The following STOX2 variants were observed in gnomAD, a reference collection of about 807,000 sequenced individuals.
STOX2 encodes storkhead box 2, also known as storkhead-box protein 2.
Under a neutral mutation model 60.9 loss-of-function variants are expected in STOX2, and 28 were observed. The observed-to-expected ratio is 0.46, with a 90% CI of 0.34 to 0.63. The LOEUF is 0.63. Among genes scored for constraint, STOX2 ranks in the 30% least tolerant of loss-of-function variants. STOX2 has a pLI of 0.01. For missense variants in STOX2, 1,024 were observed against 1,187.7 expected (o/e 0.86, Z 2.03); for synonymous variants, 472 against 463.9 (o/e 1.02, Z -0.22).
chr4:183,804,807 GAA>G (rs1554017755), intron 1 of STOX2, among the ~76,000 whole-genome samples: 27,353 of 152,068 alleles, frequency 0.18, 2,537 homozygotes, highest in African/African-American at 0.24. Flanking sequence ...CATTTAGAAT[GAA>G]CTTCTGAGAT....
At chr4:183,943,547 T>A (rs1023772412) in intron 1 of STOX2, among the ~76,000 whole-genome samples, 1 of 152,180 alleles carries the variant, frequency 6.6e-6, no homozygotes, top group Non-Finnish European at 1.5e-5. Flanking sequence ...AAATAAAATA[T>A]AGAGAAATAA....
intron 1 of STOX2, among the ~76,000 whole-genome samples, chr4:183,940,593 G>A (rs1742728731): frequency 6.6e-6 from 1 of 151,994 alleles, no homozygotes; most frequent in Non-Finnish European, 1.5e-5. Context: ...TGTCATCAAA[G>A]GGAACACAGC....
intron 1 of STOX2, among the ~76,000 whole-genome samples, chr4:183,970,300 T>C (rs1278125899): frequency 1.3e-5 from 2 of 152,110 alleles, no homozygotes; most frequent in African/African-American, 4.8e-5. Flanking sequence ...TTGACATCTG[T>C]GGTAGCCTTC....
Position 183,947,799 on chromosome 4 carries a change from A to G in STOX2, c.166+40843A>G, listed in dbSNP as rs999088611. On this transcript the variant is annotated intron_variant, in intron 1 of 3. Coordinates refer to ENST00000308497, the MANE Select transcript of STOX2 (RefSeq NM_020225.3). ...GGAACGGTGCCTCCTCTGTGTCTCA[A>G]TACAATTTTGTACATACTAATATTA... 2.6e-5 allele frequency among the ~76,000 whole-genome samples: 4 copies of G among 152,134 alleles called. No homozygotes were observed. The East Asian group carries it at 7.7e-4, about 29-fold the overall frequency.
intron 1 of STOX2, among the ~76,000 whole-genome samples, chr4:183,879,604 G>A (rs764432097): frequency 2.0e-5 from 3 of 152,168 alleles, no homozygotes; most frequent in African/African-American, 7.2e-5. Flanking sequence ...GATGCCTCGC[G>A]TTGGTGTGGC....
At chr4:183,837,427 A>G (rs991607926) in intron 1 of STOX2, among the ~76,000 whole-genome samples, 2 of 150,656 alleles carry the variant, frequency 1.3e-5, no homozygotes, top group Admixed American at 1.3e-4. Context: ...TATCTGGCTT[A>G]TCTCACTCAG....
intron 1 of STOX2, among the ~76,000 whole-genome samples, chr4:183,802,908 A>T (rs1738801113): frequency 6.6e-6 from 1 of 152,198 alleles, no homozygotes; most frequent in Admixed American, 6.5e-5. Flanking sequence ...GGCGTGAGCC[A>T]CCGCACCCGG....
intron 1 of STOX2, among the ~76,000 whole-genome samples, chr4:183,852,440 G>A (rs1227139961): frequency 3.1e-4 from 11 of 35,198 alleles, no homozygotes; most frequent in South Asian, 1.7e-3. Flanking sequence ...AAAGGATGAG[G>A]GAAAGGTTGA....
chr4:183,814,233 T>C (rs976212324), intron 1 of STOX2, among the ~76,000 whole-genome samples: 4 of 152,124 alleles, frequency 2.6e-5, no homozygotes, highest in Admixed American at 1.3e-4. Flanking sequence ...TGAAGCAACA[T>C]AGAAAAGTGC....
intron 1 of STOX2, among the ~76,000 whole-genome samples, chr4:183,958,472 T>C (rs10001133): frequency 0.39 from 59,098 of 152,046 alleles, 12,761 homozygotes; most frequent in African/African-American, 0.58. Context: ...TATATATTTA[T>C]ACTTTCTTCA....
chr4:183,924,941 G>A (rs1254644105), intron 1 of STOX2, among the ~76,000 whole-genome samples: 9 of 152,164 alleles, frequency 5.9e-5, no homozygotes, highest in Non-Finnish European at 1.2e-4. Context: ...GCCGGATACC[G>A]TGAATTTGTG....
rs1354662672 is a variant in STOX2, at chr4:184,019,084, A to G, written c.*1800A>G. 2 of 152,196 alleles carry G rather than the reference A, an allele frequency of 1.3e-5. No individual in the cohort carries two copies. The highest frequency in any genetic ancestry group is 3.8e-4 in the East Asian group (2 of 5,206). The allele number at this position is 152,196 out of a possible 1,614,324, so 9.4% of individuals were successfully genotyped here. Reference sequence around the variant, plus strand: ...AGTTGGACTCATTCTTGAAACCTTTAAATGCTCCCTCATAGTTTTTCAGTT... The same window carrying G: ...AGTTGGACTCATTCTTGAAACCTTTGAATGCTCCCTCATAGTTTTTCAGTT... On this transcript the variant is annotated 3_prime_UTR_variant, in exon 4 of 4. Transcript: ENST00000308497.
upstream of STOX2, among the ~76,000 whole-genome samples, chr4:183,903,760 C>A (rs1741514993): frequency 6.6e-6 from 1 of 152,138 alleles, no homozygotes; most frequent in South Asian, 2.1e-4. Flanking sequence ...CTTGTTATTA[C>A]CTTATGGTCC....
intron 1 of STOX2, among the ~76,000 whole-genome samples, chr4:183,839,863 A>G (rs1739809662): frequency 6.6e-6 from 1 of 152,236 alleles, no homozygotes; most frequent in African/African-American, 2.4e-5. Flanking sequence ...CAATTATGAA[A>G]TGATAAACTT....
At chr4:183,849,943 T>G (rs912344826) in intron 1 of STOX2, among the ~76,000 whole-genome samples, 11 of 152,110 alleles carry the variant, frequency 7.2e-5, no homozygotes, top group African/African-American at 2.7e-4. Flanking sequence ...TAGCTGCATT[T>G]TCTTTTTTCT....
rs1032345580 is a variant in STOX2 at position 183,906,622 on chromosome 4, C to G, written c.-169C>G. On this transcript the variant is annotated 5_prime_UTR_variant, in exon 1 of 4. Transcript: ENST00000308497. The stretch of plus-strand genomic sequence containing the variant: ...CCTTCGCCGTGGGGGTGTGGGGGGG[C>G]GTGGGGAGGGCCGGACCCGCCGCTG... 2.5e-5 allele frequency: 16 copies of G among 636,244 alleles called. No individual in the cohort carries two copies. The highest frequency in any genetic ancestry group is 3.7e-5 in the Non-Finnish European group (14 of 382,810). The allele number at this position is 636,244 out of a possible 1,614,324, so 39.4% of individuals were successfully genotyped here.
chr4:183,870,805 T>C (rs2111162878), intron 1 of STOX2, among the ~76,000 whole-genome samples: 1 of 152,350 alleles, frequency 6.6e-6, no homozygotes, highest in Admixed American at 6.5e-5. Context: ...GTGGAAATGC[T>C]GTATAAGAAC....
intron 1 of STOX2, among the ~76,000 whole-genome samples, chr4:183,965,378 G>C (rs1182140164): frequency 6.6e-6 from 1 of 152,154 alleles, no homozygotes; most frequent in Non-Finnish European, 1.5e-5. Context: ...CCGTGCAGAA[G>C]GTGTGCAATA....
intron 1 of STOX2, among the ~76,000 whole-genome samples, chr4:183,961,942 C>CT (rs1405366797): frequency 1.3e-5 from 2 of 152,218 alleles, no homozygotes; most frequent in African/African-American, 4.8e-5. Context: ...TTGGAGAGGC[C>CT]TTTGAAGTGG....
Sources: allele counts gnomAD v4.1 joint callset (sites outside exome capture counted in the v4.1 genomes callset), GRCh38; gene constraint gnomAD v4.1.1; transcripts MANE v1.5; gene names NCBI Gene and HGNC (gene_info 2026-07-23, HGNC 2026-07-21).